EPB41: variants seen among roughly 807,000 people sequenced by gnomAD.
The protein encoded by EPB41 is protein 4.1.
Under a neutral mutation model 108.0 loss-of-function variants are expected in EPB41, and 65 were observed. The observed-to-expected ratio is 0.60, with a 90% confidence interval of 0.49 to 0.74. The LOEUF is 0.74. Among genes scored for constraint, EPB41 ranks in the 30% least tolerant of loss-of-function variants. The pLI, the probability that EPB41 is intolerant of heterozygous loss-of-function variation, is 0.00. For missense variants in EPB41, 875 were observed against 1,037.0 expected (o/e 0.84, Z 2.15); for synonymous variants, 336 against 358.9 (o/e 0.94, Z 0.72).
At chr1:29,004,677 T>G (rs10429865) in intron 4 of EPB41, among the ~76,000 whole-genome samples, 47,344 of 152,086 alleles carry the variant, frequency 0.31, 8,975 homozygotes, top group Non-Finnish European at 0.41. Context: ...GGTCAACACC[T>G]CTAATGAATT....
rs548537067 is a variant in EPB41 at position 29,026,999 on chromosome 1, G to GA, written c.1125-3396dup. Among the ~76,000 whole-genome samples, 656 of 149,370 alleles carry GA rather than the reference G, an allele frequency of 4.4e-3. 4 individuals carry two copies. Among genetic ancestry groups the GA allele is most frequent in the African/African-American group, 0.015 (623 of 40,596 alleles). ...TCCAGCTACTTGGGAGGCTGAGGCA[G>GA]AAAAATCACTTGAACCCAGGAGGCA... is the stretch of plus-strand genomic sequence containing the variant. On this transcript the variant is annotated intron_variant, in intron 7 of 20. Transcript: ENST00000343067.
intron 1 of EPB41, among the ~76,000 whole-genome samples, chr1:28,892,886 C>T (rs1343259034): frequency 1.3e-5 from 2 of 149,336 alleles, no homozygotes; most frequent in Non-Finnish European, 3.0e-5. Context: ...TCACTGCAAC[C>T]TCTGCCTCCC....
intron 1 of EPB41, among the ~76,000 whole-genome samples, chr1:28,923,114 T>TTC (rs1384147106): frequency 7.1e-6 from 1 of 140,110 alleles, no homozygotes; most frequent in African/African-American, 2.7e-5. Flanking sequence ...TTCTTTTCTT[T>TTC]TTTTTTTTTT....
intron 4 of EPB41, among the ~76,000 whole-genome samples, chr1:28,998,106 A>G (rs1468863968): frequency 6.6e-6 from 1 of 152,222 alleles, no homozygotes; most frequent in East Asian, 1.9e-4. Flanking sequence ...TGAAGATAAC[A>G]TTAATTACTG....
chr1:28,934,513 C>G (rs1453430965), intron 1 of EPB41, among the ~76,000 whole-genome samples: 1 of 152,090 alleles, frequency 6.6e-6, no homozygotes, highest in African/African-American at 2.4e-5. Context: ...CTCATCTGTT[C>G]AATCATTTAT....
Position 29,118,698 on chromosome 1 carries a change from G to A in EPB41, c.*1886G>A, listed in dbSNP as rs573244910. On this transcript the variant is annotated 3_prime_UTR_variant, in exon 21 of 21. Coordinates refer to ENST00000343067, the MANE Select transcript of EPB41 (RefSeq NM_001376013.1). ...CATGTGAGACATGAACAACAGGAGG[G>A]AGGGAAAGAGCCCAGGTGGGACGTG... 2.6e-5 allele frequency: 4 copies of A among 152,460 alleles called. No homozygotes were observed. Among genetic ancestry groups the A allele is most frequent in the African/African-American group, 9.6e-5 (4 of 41,578 alleles). The allele number at this position is 152,460 out of a possible 1,614,324, so 9.4% of individuals were successfully genotyped here.
chr1:28,972,850 C>T (rs2095525719), intron 1 of EPB41, among the ~76,000 whole-genome samples: 1 of 151,950 alleles, frequency 6.6e-6, no homozygotes, highest in Non-Finnish European at 1.5e-5. Flanking sequence ...GCAATCCTCC[C>T]ACCTTGGACT....
At chr1:29,000,272 G>A (rs554911017) in intron 4 of EPB41, among the ~76,000 whole-genome samples, 1 of 152,098 alleles carries the variant, frequency 6.6e-6, no homozygotes, top group African/African-American at 2.4e-5. Context: ...CTAATTTTTT[G>A]TATTTTTAGT....
intron 1 of EPB41, among the ~76,000 whole-genome samples, chr1:28,918,489 A>G (rs1327549603): frequency 6.6e-6 from 1 of 152,218 alleles, no homozygotes; most frequent in Non-Finnish European, 1.5e-5. Flanking sequence ...TTGTGAGCTA[A>G]ACAACAATAA....
intron 7 of EPB41, among the ~76,000 whole-genome samples, chr1:29,019,565 C>A (rs770462806): frequency 3.9e-5 from 6 of 152,126 alleles, no homozygotes; most frequent in Non-Finnish European, 7.3e-5. Flanking sequence ...TGACCTTGGC[C>A]TTGAATTAGT....
At chr1:29,050,994 T>A (rs1644387555) in intron 11 of EPB41, among the ~76,000 whole-genome samples, 1 of 151,958 alleles carries the variant, frequency 6.6e-6, no homozygotes, top group South Asian at 2.1e-4. Context: ...GATTCTTGAA[T>A]TTCTGCTGTT....
At chr1:29,067,582 G>A (rs1375826952) in intron 16 of EPB41, among the ~76,000 whole-genome samples, 5 of 146,012 alleles carry the variant, frequency 3.4e-5, no homozygotes, top group African/African-American at 5.1e-5. Context: ...CAGGAGAATC[G>A]CTTGAACCCA....
intron 10 of EPB41, 48 bp downstream of exon 10, chr1:29,035,971 T>A: frequency 1.4e-6 from 2 of 1,436,214 alleles, no homozygotes; most frequent in Non-Finnish European, 2.0e-6. Context: ...ATTTATAACG[T>A]TTCTATTTTA....
At chr1:28,944,534 G>GTTTTTTTTTTTTTTTTTTTTTTTTTT (rs55849161) in intron 1 of EPB41, among the ~76,000 whole-genome samples, 1 of 97,400 alleles carries the variant, frequency 1.0e-5, no homozygotes. Context: ...CTCAGATCTG[G>GTTTTTTTTTTTTTTTTTTTTTTTTTT]TTTTTTTTTT....
intron 19 of EPB41, among the ~76,000 whole-genome samples, chr1:29,113,877 C>G (rs1424309373): frequency 1.3e-5 from 2 of 152,038 alleles, no homozygotes; most frequent in East Asian, 3.9e-4. Flanking sequence ...ACTTTAAGAA[C>G]TGTTAAGGAG....
intron 17 of EPB41, among the ~76,000 whole-genome samples, chr1:29,105,732 C>T (rs1245165148): frequency 7.1e-6 from 1 of 141,376 alleles, no homozygotes; most frequent in Non-Finnish European, 1.5e-5. Flanking sequence ...TATGAATGTT[C>T]ATGTACAGAT....
At chr1:28,956,177 A>G (rs2094941912) in intron 1 of EPB41, among the ~76,000 whole-genome samples, 1 of 152,240 alleles carries the variant, frequency 6.6e-6, no homozygotes, top group Admixed American at 6.5e-5. Context: ...CATGTGTAAA[A>G]TATTCCTAAT....
At position 28,896,611 on chromosome 1, in the gene EPB41, T is replaced by TGGAA. The variant is rs548436153; in HGVS notation, c.-8+9406_-8+9409dup. On this transcript the variant is annotated intron_variant, in intron 1 of 16. Transcript: ENST00000347529. ...AGGGCAGGAAAAAAGACATTCCTAG[T>TGGAA]GGAAGGAACAGCATGTGCCAAGGTA... Among the ~76,000 whole-genome samples the TGGAA allele has an allele frequency of 1.4e-3, 208 of 152,268 alleles. 1 individual carries two copies. The highest frequency in any genetic ancestry group is 3.7e-3 in the African/African-American group (153 of 41,546).
intron 4 of EPB41, among the ~76,000 whole-genome samples, chr1:29,000,249 T>TCA (rs1256644545): frequency 1.3e-5 from 2 of 152,098 alleles, no homozygotes; most frequent in Admixed American, 6.5e-5. Context: ...CAGGCATGCA[T>TCA]CACCATGCCT....
Sources: gnomAD v4.1 joint callset for allele counts (sites outside exome capture counted in the v4.1 genomes callset) on GRCh38, gnomAD v4.1.1 for gene constraint, MANE v1.5 for transcripts, NCBI Gene and HGNC (gene_info 2026-07-23, HGNC 2026-07-21) for gene names.